Variants in JAK1 observed in about 807,000 individuals in gnomAD.
The protein encoded by JAK1 is tyrosine-protein kinase JAK1.
In JAK1, 16 loss-of-function variants were observed where a neutral mutation model predicts 136.6. The observed-to-expected ratio is 0.12, with a 90% CI of 0.08 to 0.18. The LOEUF (loss-of-function observed/expected upper bound fraction) is 0.18, where lower values mean the gene tolerates loss of function less well. JAK1 is among the 10% of genes least tolerant of loss of function. JAK1 has a pLI of 1.00. For missense variants in JAK1, 859 were observed against 1,450.1 expected (o/e 0.59, Z 6.62); for synonymous variants, 492 against 519.5 (o/e 0.95, Z 0.72).
chr1:64,953,536 G>GA (rs1237374304), intron 1 of JAK1, among the ~76,000 whole-genome samples: 2 of 152,040 alleles, frequency 1.3e-5, no homozygotes, highest in African/African-American at 4.8e-5. Context: ...AATCTCGTCT[G>GA]ACTTAAAATG....
intron 2 of JAK1, among the ~76,000 whole-genome samples, chr1:65,039,691 A>G (rs1352801097): frequency 6.6e-6 from 1 of 152,194 alleles, no homozygotes; most frequent in African/African-American, 2.4e-5. Context: ...CTTACTGTCA[A>G]TGACTTTTGA....
chr1:65,001,686 G>GC lies in JAK1; in HGVS notation c.-78+42793_-78+42794insG, dbSNP rs1212405141. Among the ~76,000 whole-genome samples, 3 of 148,446 alleles carry GC rather than the reference G, an allele frequency of 2.0e-5. No individual in the cohort carries two copies. The East Asian group carries it at 6.0e-4, about 30-fold the overall frequency. The stretch of plus-strand genomic sequence containing the variant: ...GGTAGAAAGTGTGTGTGTGGGGGGG[G>GC]GGGTATGTGTGCCTGAAAGGCAGCA... On this transcript the variant is annotated intron_variant, in intron 2 of 25. Transcript: ENST00000671954.
In JAK1 at chr1:64,984,486, G is replaced by T; in HGVS notation, c.-78+59994C>A. The T allele has an allele frequency of 4.0e-6, 1 of 252,406 alleles. No homozygotes were observed. Among genetic ancestry groups the T allele is most frequent in the East Asian group, 9.6e-5 (1 of 10,392 alleles). 15.6% of individuals were successfully genotyped at this position (252,406 alleles called of 1,614,324 possible). A position where few individuals can be genotyped will look rare whatever the true frequency, so the allele number is the denominator to read the frequency against. ...ATTCAACAAGCTCCAGTCTTGTTGAGGGAGAAAGGAATCAAGTAGCAGCAT... is the reference window on the plus strand; with the variant it reads ...ATTCAACAAGCTCCAGTCTTGTTGATGGAGAAAGGAATCAAGTAGCAGCAT... On this transcript the variant is annotated intron_variant, in intron 2 of 25. Coordinates refer to the JAK1 transcript ENST00000671954. This position sits in a 1 kb window ranked among gnomAD's most constrained non-coding sequence, Gnocchi z 4.1.
At chr1:65,024,389 A>G (rs1010468273) in intron 2 of JAK1, among the ~76,000 whole-genome samples, 10 of 152,170 alleles carry the variant, frequency 6.6e-5, no homozygotes, top group African/African-American at 2.2e-4. Context: ...TTTATTGGCT[A>G]CTTGTACACC....
At chr1:64,997,360 T>C (rs997546182) in intron 2 of JAK1, among the ~76,000 whole-genome samples, 12 of 152,220 alleles carry the variant, frequency 7.9e-5, no homozygotes, top group African/African-American at 2.7e-4. Flanking sequence ...TTAACTCACA[T>C]GACAAATATT....
Position 64,941,326 on chromosome 1 carries a change from T to A in JAK1, c.-78+25007A>T, listed in dbSNP as rs572597561. ...GCATCCACATCTGGGAAAAAAAAAA[T>A]TCATTCCTTAACTCTAGAGAAACAC... On this transcript the variant is annotated intron_variant, in intron 1 of 24. Transcript: ENST00000342505. Among the ~76,000 whole-genome samples the A allele has an allele frequency of 4.0e-5, 6 of 151,816 alleles. No homozygotes were observed. In the South Asian group the frequency reaches 1.2e-3, roughly 31 times the overall value.
At chr1:64,937,453 C>T (rs374479260) in intron 1 of JAK1, among the ~76,000 whole-genome samples, 10 of 152,178 alleles carry the variant, frequency 6.6e-5, no homozygotes, top group African/African-American at 1.9e-4. Flanking sequence ...AAAGGTCCAA[C>T]GCCGAGCATC....
intron 1 of JAK1, among the ~76,000 whole-genome samples, chr1:64,964,875 C>G (rs1369870655): frequency 6.6e-6 from 1 of 152,124 alleles, no homozygotes; most frequent in African/African-American, 2.4e-5. Context: ...CCAGAAATGT[C>G]TGGAACCCTG....
At chr1:64,880,507 T>C (rs766704431) in intron 3 of JAK1, among the ~76,000 whole-genome samples, 4 of 152,222 alleles carry the variant, frequency 2.6e-5, no homozygotes, top group Non-Finnish European at 5.9e-5. Flanking sequence ...ATTTTAACCA[T>C]GGAACTGTCT....
chr1:64,856,342 T>G (rs2101053619), intron 10 of JAK1, among the ~76,000 whole-genome samples: 1 of 152,328 alleles, frequency 6.6e-6, no homozygotes, highest in South Asian at 2.1e-4. Flanking sequence ...AGCTGTAAAC[T>G]AGGAGATGAT....
chr1:64,944,170 C>T (rs1245436890), intron 1 of JAK1, among the ~76,000 whole-genome samples: 1 of 138,208 alleles, frequency 7.2e-6, no homozygotes, highest in African/African-American at 2.8e-5. Context: ...TGCAGTGAGC[C>T]GAGATCGCAC....
chr1:65,030,519 C>A (rs914388756), intron 2 of JAK1, among the ~76,000 whole-genome samples: 1 of 148,746 alleles, frequency 6.7e-6, no homozygotes, highest in African/African-American at 2.5e-5. Context: ...TAACATAGTC[C>A]CCAAAACCTC....
At chr1:64,906,997 A>T (rs1164495344) in intron 1 of JAK1, among the ~76,000 whole-genome samples, 1 of 86,586 alleles carries the variant, frequency 1.2e-5, no homozygotes, top group African/African-American at 3.4e-5. Context: ...AACAGTGAGG[A>T]GAAGCACAAA....
chr1:65,054,064 A>G (rs1011861354), intron 1 of JAK1, among the ~76,000 whole-genome samples: 5 of 152,124 alleles, frequency 3.3e-5, no homozygotes, highest in African/African-American at 1.2e-4. Flanking sequence ...TAAAAGCATG[A>G]CCCTAAGTGA....
rs1440600896 is a variant in JAK1, at chr1:64,844,735, G to A, written c.2251+19C>T. 1.1e-5 allele frequency: 17 copies of A among 1,613,914 alleles called. No homozygotes were observed. Among genetic ancestry groups the A allele is most frequent in the South Asian group, 1.1e-5 (1 of 91,070 alleles). ...CCCTGACTCGGGGTGGGGCCAGAGG[G>A]AAGAGAGGGGAGACACACCTTGCCT... On this transcript the variant is annotated intron_variant, in intron 16 of 24. Coordinates refer to ENST00000342505, the MANE Select transcript of JAK1 (RefSeq NM_002227.4). This position sits in a 1 kb window ranked among gnomAD's most constrained non-coding sequence, Gnocchi z 5.7.
At chr1:64,856,017 T>C (rs1428951356) in intron 10 of JAK1, among the ~76,000 whole-genome samples, 1 of 152,198 alleles carries the variant, frequency 6.6e-6, no homozygotes, top group African/African-American at 2.4e-5. Context: ...TCCAACCTCA[T>C]AGGATTGTTG....
At chr1:64,964,387 T>G (rs1411671618) in intron 1 of JAK1, among the ~76,000 whole-genome samples, 2 of 152,278 alleles carry the variant, frequency 1.3e-5, no homozygotes, top group Non-Finnish European at 2.9e-5. Flanking sequence ...TCTTGTTCTC[T>G]CTACACAAAT....
chr1:65,004,286 AGAG>A (rs1361622700), intron 2 of JAK1, among the ~76,000 whole-genome samples: 3 of 152,196 alleles, frequency 2.0e-5, no homozygotes, highest in African/African-American at 7.2e-5. Context: ...AAAAGGAGGA[AGAG>A]GAGGAGGAGG....
At chr1:65,064,166 G>C (rs769222681) in intron 1 of JAK1, among the ~76,000 whole-genome samples, 1 of 152,172 alleles carries the variant, frequency 6.6e-6, no homozygotes, top group Non-Finnish European at 1.5e-5. Flanking sequence ...AAGTAGATGC[G>C]TAAGCTCAAG....
Sources: gnomAD v4.1 joint callset for allele counts (sites outside exome capture counted in the v4.1 genomes callset) on GRCh38, gnomAD v4.1.1 for gene constraint, Gnocchi (gnomAD v3.1) non-coding constraint, MANE v1.5 for transcripts, NCBI Gene and HGNC (gene_info 2026-07-23, HGNC 2026-07-21) for gene names.